The following SCUBE1 variants were observed in gnomAD, a reference collection of about 807,000 sequenced individuals.
The protein encoded by SCUBE1 is signal peptide, CUB and EGF-like domain-containing protein 1.
In SCUBE1, 59 loss-of-function variants were observed where a neutral mutation model predicts 124.4. The observed-to-expected ratio is 0.47, with a 90% confidence interval of 0.38 to 0.59. SCUBE1 has a LOEUF of 0.59. Ranked by LOEUF, SCUBE1 falls within the 20% of genes least tolerant of loss-of-function variation. SCUBE1 has a pLI of 0.00. For synonymous variants in SCUBE1, 545 were observed against 550.9 expected (o/e 0.99, Z 0.15); for missense variants, 1,150 against 1,371.2 (o/e 0.84, Z 2.55).
rs1376945923 is a variant in SCUBE1 at position 43,210,401 on chromosome 22, C to T, written c.2384-161G>A. On this transcript the variant is annotated intron_variant, in intron 18 of 21. Transcript: ENST00000360835. The surrounding 1 kb of genome is among the most constrained non-coding windows in gnomAD (Gnocchi z 4.5). ...CCCTGAGCCCATCCTCCTTGGGGAC[C>T]CTGCCTGGGCTGCCCCCAGAGCAGG... 6.6e-6 allele frequency among the ~76,000 whole-genome samples: 1 copy of T among 152,204 alleles called. No homozygotes were observed. The highest frequency in any genetic ancestry group is 3.2e-3 in the Middle Eastern group (1 of 316).
In SCUBE1 at chr22:43,258,240, A is replaced by C; in HGVS notation, c.706T>G (p.Ser236Ala). 1 of 1,613,336 alleles carries C rather than the reference A, an allele frequency of 6.2e-7. No individual in the cohort carries two copies. The highest frequency in any genetic ancestry group is 8.5e-7 in the Non-Finnish European group (1 of 1,179,562). Reference protein sequence around the residue: ...CGCHQKYALHSDGRTCIETCA... With the variant: ...CGCHQKYALHADGRTCIETCA... ...TTACCGATGCACGTGCGACCGTCTGAGTGGAGGGCGTACTTCTGGTGGCAA... is the reference window on the plus strand; with the variant it reads ...TTACCGATGCACGTGCGACCGTCTGCGTGGAGGGCGTACTTCTGGTGGCAA... The change falls in exon 6 of 22, where the codon TCA becomes GCA. Residue 236 changes from serine (S) to alanine (A), a missense_variant. Physicochemically the swap from Ser to Ala is moderately conservative, Grantham distance 99 (BLOSUM62 1). Coordinates refer to ENST00000360835, the MANE Select transcript of SCUBE1 (RefSeq NM_173050.5). This position sits in a 1 kb window ranked among gnomAD's most constrained non-coding sequence, Gnocchi z 5.0.
intron 15 of SCUBE1, among the ~76,000 whole-genome samples, chr22:43,215,452 G>A (rs1185753011): frequency 6.6e-6 from 1 of 152,248 alleles, no homozygotes; most frequent in Non-Finnish European, 1.5e-5. Flanking sequence ...GGCTGACATG[G>A]CGGGAGCTGT....
chr22:43,303,513 G>A (rs1925852686), intron 3 of SCUBE1, among the ~76,000 whole-genome samples: 1 of 152,250 alleles, frequency 6.6e-6, no homozygotes, highest in African/African-American at 2.4e-5. Flanking sequence ...ACATACCGGA[G>A]AAAGGCAGAT....
intron 3 of SCUBE1, among the ~76,000 whole-genome samples, chr22:43,295,973 C>G (rs965234590): frequency 1.4e-5 from 2 of 144,100 alleles, no homozygotes; most frequent in African/African-American, 5.4e-5. Context: ...AAAGCAAAGG[C>G]TCATGGAAGG....
chr22:43,262,673 G>A (rs1923914526), intron 5 of SCUBE1, 47 bp downstream of exon 5: 6 of 1,604,846 alleles, frequency 3.7e-6, no homozygotes, highest in Non-Finnish European at 5.1e-6. Flanking sequence ...GAAAGTAATG[G>A]CAGGAGACGC....
At position 43,202,309 on chromosome 22, in the gene SCUBE1, C is replaced by T. The variant is rs1187105242; in HGVS notation, c.*1688G>A. 5.9e-5 allele frequency: 9 copies of T among 152,222 alleles called. No homozygotes were observed. The highest frequency in any genetic ancestry group is 1.3e-4 in the Admixed American group (2 of 15,280). 9.4% of individuals were successfully genotyped at this position (152,222 alleles called of 1,614,324 possible). A position where few individuals can be genotyped will look rare whatever the true frequency, so the allele number is the denominator to read the frequency against. On this transcript the variant is annotated 3_prime_UTR_variant, in exon 22 of 22. Transcript: ENST00000360835. ...AGCCTCTCAAACCGTGTTTGTTTCT[C>T]GCCAGCCAGGCTGGGCCCGGGGGTG...
At chr22:43,269,178 G>A (rs1924194129) in intron 4 of SCUBE1, among the ~76,000 whole-genome samples, 3 of 152,164 alleles carry the variant, frequency 2.0e-5, no homozygotes, top group African/African-American at 7.2e-5. Context: ...TCTTCTCCAA[G>A]TGGCCGGTGC....
chr22:43,230,551 C>G (rs980582491), intron 8 of SCUBE1, among the ~76,000 whole-genome samples: 4 of 152,202 alleles, frequency 2.6e-5, no homozygotes, highest in Non-Finnish European at 5.9e-5. Flanking sequence ...GATGCAAGGT[C>G]AAGGGCTCTC....
chr22:43,203,285 T>A lies in SCUBE1; in HGVS notation c.*712A>T, dbSNP rs570755495. 1 of 151,768 alleles carries A rather than the reference T, an allele frequency of 6.6e-6. No individual in the cohort carries two copies. Among genetic ancestry groups the A allele is most frequent in the African/African-American group, 2.4e-5 (1 of 41,298 alleles). 9.4% of individuals were successfully genotyped at this position (151,768 alleles called of 1,614,324 possible). On this transcript the variant is annotated 3_prime_UTR_variant, in exon 22 of 22. Coordinates refer to ENST00000360835, the MANE Select transcript of SCUBE1 (RefSeq NM_173050.5). ...TAGCTGCTGGGACTCACTGGGCTCA[T>A]GCGGGAAGGGATGGGGTCACAATTC... is the stretch of plus-strand genomic sequence containing the variant.
At chr22:43,336,376 G>A (rs1175733515) in intron 2 of SCUBE1, among the ~76,000 whole-genome samples, 1 of 152,176 alleles carries the variant, frequency 6.6e-6, no homozygotes, top group Admixed American at 6.5e-5. Flanking sequence ...ACTCCCCTCT[G>A]TGGATATCTT....
At chr22:43,223,049 G>T in intron 11 of SCUBE1, 48 bp downstream of exon 11, 1 of 1,498,840 alleles carries the variant, frequency 6.7e-7, no homozygotes. Context: ...CCCCAGGGAG[G>T]AAGACCCCCC....
At chr22:43,229,295 C>G in intron 8 of SCUBE1, 107 bp from the exon 9 acceptor site, 1 of 813,574 alleles carries the variant, frequency 1.2e-6, no homozygotes, top group Non-Finnish European at 2.1e-6. Flanking sequence ...GACACACAGT[C>G]CCTGGGCGCA....
intron 1 of SCUBE1, among the ~76,000 whole-genome samples, chr22:43,342,120 A>G (rs1290963893): frequency 6.6e-6 from 1 of 152,038 alleles, no homozygotes; most frequent in Non-Finnish European, 1.5e-5. Context: ...GAAGCCGGGA[A>G]GGACGTGCAG....
intron 4 of SCUBE1, among the ~76,000 whole-genome samples, chr22:43,269,449 G>A (rs1241554433): frequency 6.6e-6 from 1 of 152,174 alleles, no homozygotes; most frequent in African/African-American, 2.4e-5. Flanking sequence ...CTTAGGAGTG[G>A]GGCCTTTCTT....
chr22:43,306,203 T>C (rs934383074), intron 3 of SCUBE1, among the ~76,000 whole-genome samples: 3 of 152,222 alleles, frequency 2.0e-5, no homozygotes, highest in Non-Finnish European at 2.9e-5. Flanking sequence ...TAATTGTTGC[T>C]AATGTCCCCT....
chr22:43,236,261 C>T (rs530966437), intron 7 of SCUBE1, among the ~76,000 whole-genome samples: 1 of 152,316 alleles, frequency 6.6e-6, no homozygotes, highest in African/African-American at 2.4e-5. Context: ...TGACACCAAC[C>T]CTGGGGCTGG....
intron 19 of SCUBE1, among the ~76,000 whole-genome samples, chr22:43,209,220 T>C (rs1469927092): frequency 1.3e-5 from 2 of 152,198 alleles, no homozygotes; most frequent in East Asian, 1.9e-4. Context: ...CACCCCCTCA[T>C]CTGGCCGGTC....
intron 6 of SCUBE1, among the ~76,000 whole-genome samples, chr22:43,254,796 C>T (rs535233484): frequency 1.8e-4 from 28 of 152,352 alleles, no homozygotes; most frequent in Admixed American, 1.4e-3. Flanking sequence ...TAGAGAAGAA[C>T]GAGTAGATGA....
At chr22:43,269,247 G>A (rs907161397) in intron 4 of SCUBE1, among the ~76,000 whole-genome samples, 4 of 152,234 alleles carry the variant, frequency 2.6e-5, no homozygotes, top group African/African-American at 9.6e-5. Context: ...ACAGGCCCTG[G>A]CAGCCCTTCC....
Sources: allele counts gnomAD v4.1 joint callset (sites outside exome capture counted in the v4.1 genomes callset), GRCh38; gene constraint gnomAD v4.1.1; non-coding constraint Gnocchi (gnomAD v3.1); transcripts MANE v1.5; gene names NCBI Gene and HGNC (gene_info 2026-07-23, HGNC 2026-07-21).